STK32B: variants seen among roughly 807,000 people sequenced by gnomAD.
STK32B encodes serine/threonine kinase 32B.
STK32B carries 43 observed loss-of-function variants against 52.6 expected under a neutral mutation model. The ratio of observed to expected loss-of-function variants is 0.82; its 90% CI spans 0.64 to 1.05. The LOEUF (loss-of-function observed/expected upper bound fraction) is 1.05, where lower values mean the gene tolerates loss of function less well. Among genes scored for constraint, STK32B ranks in the 50% least tolerant of loss-of-function variants. The pLI is 0.00. For missense variants in STK32B, 621 were observed against 534.6 expected, an observed-to-expected ratio of 1.16 and a Z score of -1.59; for synonymous variants, 238 against 204.3, an observed-to-expected ratio of 1.17 and a Z score of -1.41.
At chr4:5,346,871 A>C (rs1733502288) in intron 4 of STK32B, among the ~76,000 whole-genome samples, 1 of 152,240 alleles carries the variant, frequency 6.6e-6, no homozygotes, top group African/African-American at 2.4e-5. Context: ...GGTAGGCCTC[A>C]GGAAACTTAC....
chr4:5,153,422 C>T (rs1717534616), intron 2 of STK32B, among the ~76,000 whole-genome samples: 1 of 151,414 alleles, frequency 6.6e-6, no homozygotes, highest in Non-Finnish European at 1.5e-5. Flanking sequence ...AAACAATGTT[C>T]AGCCCTCAGC....
At chr4:5,195,114 T>C (rs1327708859) in intron 3 of STK32B, among the ~76,000 whole-genome samples, 3 of 152,140 alleles carry the variant, frequency 2.0e-5, no homozygotes, top group African/African-American at 7.2e-5. Context: ...ATTCTGTTTT[T>C]TCAGGCTGGA....
At chr4:5,456,993 A>G in intron 8 of STK32B, 70 bp downstream of exon 8, 2 of 1,146,834 alleles carry the variant, frequency 1.7e-6, no homozygotes, top group Non-Finnish European at 1.2e-6. Flanking sequence ...ATATCAGCAA[A>G]CGAAGGGGTG....
chr4:5,101,205 A>G (rs1442262353), intron 1 of STK32B, among the ~76,000 whole-genome samples: 1 of 152,174 alleles, frequency 6.6e-6, no homozygotes, highest in Non-Finnish European at 1.5e-5. Context: ...CTGATTCCAG[A>G]GGACAAGATT....
rs1716261892 is a variant in STK32B, at chr4:5,453,958, G to A, written c.667-2849G>A. 6.6e-6 allele frequency among the ~76,000 whole-genome samples: 1 copy of A among 151,588 alleles called. No homozygotes were observed. The highest frequency in any genetic ancestry group is 2.4e-5 in the African/African-American group (1 of 41,012). ...AGCCCCAGCTCATCTCCCAGTGGTA[G>A]CCCTGAGCTCTGGGTCTCCTGTCCC... On this transcript the variant is annotated intron_variant, in intron 7 of 11. Transcript: ENST00000282908. The surrounding 1 kb of genome is among the most constrained non-coding windows in gnomAD (Gnocchi z 4.0).
intron 3 of STK32B, among the ~76,000 whole-genome samples, chr4:5,227,366 T>C (rs895951366): frequency 2.6e-5 from 4 of 152,208 alleles, no homozygotes; most frequent in African/African-American, 9.6e-5. Context: ...ATTTGAAAAA[T>C]AGTCACTGAC....
At chr4:5,242,874 GATCAGATGGTTGTAGGT>G (rs1725138647) in intron 3 of STK32B, among the ~76,000 whole-genome samples, 1 of 152,140 alleles carries the variant, frequency 6.6e-6, no homozygotes, top group African/African-American at 2.4e-5. Context: ...GTTTGTCAAA[GATCAGATGGTTGTAGGT>G]ATGCGGCATT....
intron 3 of STK32B, among the ~76,000 whole-genome samples, chr4:5,243,556 T>G (rs1725202989): frequency 1.3e-5 from 2 of 152,256 alleles, no homozygotes; most frequent in Admixed American, 1.3e-4. Context: ...TTTTCCTAAT[T>G]GAATGCCCCT....
chr4:5,454,107 T>C (rs1245106656), intron 7 of STK32B, among the ~76,000 whole-genome samples: 1 of 152,094 alleles, frequency 6.6e-6, no homozygotes, highest in Admixed American at 6.5e-5. Context: ...TCCAAGACAG[T>C]GAGCTCAGTG....
At chr4:5,173,015 A>G (rs1577139688) in intron 3 of STK32B, among the ~76,000 whole-genome samples, 1 of 152,164 alleles carries the variant, frequency 6.6e-6, no homozygotes, top group Non-Finnish European at 1.5e-5. Flanking sequence ...CAGAGATTCA[A>G]ATTCTTCTTG....
At chr4:5,183,630 A>G (rs553572583) in intron 3 of STK32B, among the ~76,000 whole-genome samples, 37 of 152,342 alleles carry the variant, frequency 2.4e-4, no homozygotes, top group African/African-American at 8.7e-4. Context: ...CACACACAAC[A>G]TTTATTAAGT....
chr4:5,440,881 A>T (rs13149293), intron 6 of STK32B, among the ~76,000 whole-genome samples: 12,089 of 148,304 alleles, frequency 0.082, 805 homozygotes, highest in East Asian at 0.38. Context: ...TTTTGTCTTT[A>T]GTTCTGTTTA....
chr4:5,288,804 T>C (rs1321427576), intron 3 of STK32B, among the ~76,000 whole-genome samples: 1 of 152,208 alleles, frequency 6.6e-6, no homozygotes, highest in Non-Finnish European at 1.5e-5. Context: ...CTATCCAAGC[T>C]CTTGAAAACC....
At chr4:5,416,775 A>G in intron 5 of STK32B, 70 bp from the exon 6 acceptor site, 1 of 1,393,856 alleles carries the variant, frequency 7.2e-7, no homozygotes, top group South Asian at 1.3e-5. Flanking sequence ...TCACCTTGCA[A>G]ACCACAGCTT....
At chr4:5,277,504 C>G (rs1031233568) in intron 3 of STK32B, among the ~76,000 whole-genome samples, 2 of 152,062 alleles carry the variant, frequency 1.3e-5, no homozygotes, top group African/African-American at 4.8e-5. Flanking sequence ...GTTGAAGTGT[C>G]TGATTCTTTG....
intron 6 of STK32B, among the ~76,000 whole-genome samples, chr4:5,419,720 A>G (rs1358739487): frequency 6.6e-6 from 1 of 152,182 alleles, no homozygotes; most frequent in Non-Finnish European, 1.5e-5. Flanking sequence ...GAGGGTTGTA[A>G]GGAGAACTTA....
chr4:5,178,759 G>C (rs1361249667), intron 3 of STK32B, among the ~76,000 whole-genome samples: 30 of 152,192 alleles, frequency 2.0e-4, no homozygotes, highest in Admixed American at 1.8e-3. Context: ...CTTTAATCCA[G>C]TTCCCAACAG....
In STK32B at chr4:5,411,143, CT is replaced by C. The variant is rs199512955; in HGVS notation, c.473-5700del. 3.7e-3 allele frequency among the ~76,000 whole-genome samples: 566 copies of C among 151,576 alleles called. 7 individuals are homozygous for C. The highest frequency in any genetic ancestry group is 0.019 in the East Asian group (98 of 5,118). Reference sequence around the variant, plus strand: ...CTCCGTTTCCTGGGTTCATGCCATTCTTCTGCCCCAGCTTCCCAAGTAACTG... The same window carrying C: ...CTCCGTTTCCTGGGTTCATGCCATTCTCTGCCCCAGCTTCCCAAGTAACTG... On this transcript the variant is annotated intron_variant, in intron 5 of 11. Coordinates refer to ENST00000282908, the MANE Select transcript of STK32B (RefSeq NM_018401.3).
intron 6 of STK32B, among the ~76,000 whole-genome samples, chr4:5,442,259 C>T (rs996891490): frequency 3.4e-5 from 5 of 148,450 alleles, no homozygotes; most frequent in Non-Finnish European, 7.4e-5. Context: ...GTAGGTCACT[C>T]AGGACTTGCT....
Sources: allele counts gnomAD v4.1 joint callset (sites outside exome capture counted in the v4.1 genomes callset), GRCh38; gene constraint gnomAD v4.1.1; non-coding constraint Gnocchi (gnomAD v3.1); transcripts MANE v1.5; gene names NCBI Gene and HGNC (gene_info 2026-07-23, HGNC 2026-07-21).